NAALADL2: variants seen among roughly 807,000 people sequenced by gnomAD.
The protein encoded by NAALADL2 is N-acetylated alpha-linked acidic dipeptidase like 2.
A neutral mutation model predicts 87.2 loss-of-function variants in NAALADL2; 76 were observed. The observed-to-expected ratio is 0.87, with a 90% CI of 0.72 to 1.05. The LOEUF (loss-of-function observed/expected upper bound fraction) is 1.05, where lower values mean the gene tolerates loss of function less well. Among genes scored for constraint, NAALADL2 ranks in the 50% least tolerant of loss-of-function variants. The pLI, the probability that NAALADL2 is intolerant of heterozygous loss-of-function variation, is 0.00. For missense variants in NAALADL2, 1,089 were observed against 945.8 expected (o/e 1.15, Z -1.99); for synonymous variants, 354 against 331.0 (o/e 1.07, Z -0.75).
chr3:175,432,145 T>A (rs1049780999), intron 5 of NAALADL2, among the ~76,000 whole-genome samples: 4 of 152,074 alleles, frequency 2.6e-5, no homozygotes, highest in African/African-American at 9.7e-5. Flanking sequence ...TAGCATTACA[T>A]TATTTCTGAG....
intron 1 of NAALADL2, among the ~76,000 whole-genome samples, chr3:174,944,754 C>T (rs780294953): frequency 3.9e-5 from 6 of 152,110 alleles, no homozygotes; most frequent in East Asian, 3.9e-4. Flanking sequence ...AGTGGGCTCA[C>T]GAGGGGATCT....
At position 175,311,851 on chromosome 3, in the gene NAALADL2, A is replaced by G. The variant is rs368241174; in HGVS notation, c.940-12324A>G. Among the ~76,000 whole-genome samples, 6 of 152,230 alleles carry G rather than the reference A, an allele frequency of 3.9e-5. No individual in the cohort carries two copies. In the East Asian group the frequency reaches 1.2e-3, roughly 29 times the overall value. ...TATTTTTTTCCTTTACAAAAGCAGG[A>G]GGTCATTGCTTCTTATTAATCTTGC... On this transcript the variant is annotated intron_variant, in intron 4 of 13. Transcript: ENST00000454872.
At chr3:175,245,705 C>G (rs925841149) in intron 3 of NAALADL2, among the ~76,000 whole-genome samples, 2 of 152,040 alleles carry the variant, frequency 1.3e-5, no homozygotes, top group South Asian at 4.1e-4. Flanking sequence ...AGAAGTCACC[C>G]CTTTATCTGG....
chr3:175,488,829 A>G (rs1192004922), intron 9 of NAALADL2, among the ~76,000 whole-genome samples: 1 of 152,200 alleles, frequency 6.6e-6, no homozygotes, highest in Non-Finnish European at 1.5e-5. Context: ...CTTGACTAGA[A>G]GAGGCTGGAA....
chr3:174,962,426 T>TAGTGACTATGAC (rs1742238534), intron 1 of NAALADL2, among the ~76,000 whole-genome samples: 2 of 143,912 alleles, frequency 1.4e-5, no homozygotes, highest in African/African-American at 5.2e-5. Flanking sequence ...TATATATATA[T>TAGTGACTATGAC]ATATATGTAT....
At chr3:175,205,535 G>A (rs11712400) in intron 2 of NAALADL2, among the ~76,000 whole-genome samples, 1 of 152,092 alleles carries the variant, frequency 6.6e-6, no homozygotes, top group South Asian at 2.1e-4. Flanking sequence ...TATTGGCTTA[G>A]GCAAGGATTT....
chr3:175,706,750 C>T (rs1296880188), intron 11 of NAALADL2, among the ~76,000 whole-genome samples: 2 of 152,100 alleles, frequency 1.3e-5, no homozygotes, highest in African/African-American at 2.4e-5. Flanking sequence ...GCCTAGAAAA[C>T]GTCAAGGTTT....
intron 10 of NAALADL2, among the ~76,000 whole-genome samples, chr3:175,603,542 T>C (rs1723246272): frequency 6.6e-6 from 1 of 152,194 alleles, no homozygotes; most frequent in Non-Finnish European, 1.5e-5. Context: ...CTATTCCAGG[T>C]ACCTCATGTA....
intron 1 of NAALADL2, among the ~76,000 whole-genome samples, chr3:174,486,468 A>G (rs956534528): frequency 6.6e-6 from 1 of 151,938 alleles, no homozygotes. Context: ...AAATTTGTCA[A>G]TTACGCTTTA....
chr3:174,987,639 G>T (rs1345446792), intron 1 of NAALADL2, among the ~76,000 whole-genome samples: 4 of 127,750 alleles, frequency 3.1e-5, no homozygotes, highest in Non-Finnish European at 3.2e-5. Flanking sequence ...TATTTTTTTT[G>T]AAGTTATAGA....
At chr3:174,841,637 G>A (rs1028962890) in intron 3 of NAALADL2, among the ~76,000 whole-genome samples, 2 of 152,046 alleles carry the variant, frequency 1.3e-5, no homozygotes, top group Admixed American at 1.3e-4. Flanking sequence ...CTCTTTTCAG[G>A]GTTGATCATT....
chr3:175,279,270 T>C (rs914537777), intron 4 of NAALADL2, among the ~76,000 whole-genome samples: 1 of 152,162 alleles, frequency 6.6e-6, no homozygotes, highest in African/African-American at 2.4e-5. Flanking sequence ...TTTATCCTTA[T>C]CGTTGCCAAG....
chr3:175,720,579 T>A (rs1296642237), intron 11 of NAALADL2, among the ~76,000 whole-genome samples: 2 of 151,972 alleles, frequency 1.3e-5, no homozygotes, highest in Non-Finnish European at 2.9e-5. Context: ...TTTCCAATAT[T>A]CATTAATGAC....
chr3:175,182,516 T>C (rs1182792653), intron 2 of NAALADL2, among the ~76,000 whole-genome samples: 2 of 149,682 alleles, frequency 1.3e-5, no homozygotes, highest in Non-Finnish European at 3.0e-5. Flanking sequence ...GCTTCCTGAG[T>C]AGCTGAGACT....
intron 2 of NAALADL2, among the ~76,000 whole-genome samples, chr3:174,587,592 A>G (rs1267720190): frequency 6.6e-6 from 1 of 152,112 alleles, no homozygotes; most frequent in African/African-American, 2.4e-5. Flanking sequence ...ATCTCTCAGC[A>G]TTTGCTTCTC....
At chr3:175,422,159 G>T (rs543551341) in intron 5 of NAALADL2, among the ~76,000 whole-genome samples, 3 of 152,128 alleles carry the variant, frequency 2.0e-5, no homozygotes, top group African/African-American at 7.2e-5. Context: ...AATATTTAAA[G>T]ACTTCAATTT....
intron 10 of NAALADL2, among the ~76,000 whole-genome samples, chr3:175,594,584 G>T (rs538834719): frequency 2.0e-5 from 3 of 152,134 alleles, no homozygotes; most frequent in African/African-American, 7.2e-5. Flanking sequence ...TTGCCAAACT[G>T]CTTTCCACAG....
intron 1 of NAALADL2, among the ~76,000 whole-genome samples, chr3:175,049,813 CAA>C (rs1283588046): frequency 6.6e-6 from 1 of 152,106 alleles, no homozygotes; most frequent in African/African-American, 2.4e-5. Context: ...TAGAGGAAGA[CAA>C]GAGAGAAAGT....
Position 175,791,775 on chromosome 3 carries a change from A to G in NAALADL2, c.2190-11230A>G, listed in dbSNP as rs565457162. On this transcript the variant is annotated intron_variant, in intron 13 of 13. Coordinates refer to ENST00000454872, the MANE Select transcript of NAALADL2 (RefSeq NM_207015.3). The stretch of plus-strand genomic sequence containing the variant: ...TGTATATAAAATATATATACAGTAT[A>G]TTTTTTCAATAAATTTATTTTTTTC... Among the ~76,000 whole-genome samples, 14 of 151,528 alleles carry G rather than the reference A, an allele frequency of 9.2e-5. No homozygotes were observed. In the South Asian group the frequency reaches 2.3e-3, roughly 25 times the overall value.
Sources: gnomAD v4.1 joint callset for allele counts (sites outside exome capture counted in the v4.1 genomes callset) on GRCh38, gnomAD v4.1.1 for gene constraint, MANE v1.5 for transcripts, NCBI Gene and HGNC (gene_info 2026-07-23, HGNC 2026-07-21) for gene names.